ASH1L: variants seen among roughly 807,000 people sequenced by gnomAD.
ASH1L encodes the protein histone-lysine N-methyltransferase ASH1L.
ASH1L carries 23 observed loss-of-function variants against 269.0 expected under a neutral mutation model. The ratio of observed to expected loss-of-function variants is 0.09; its 90% CI spans 0.06 to 0.12. ASH1L has a LOEUF of 0.12. Ranked by LOEUF, ASH1L falls within the 10% of genes least tolerant of loss-of-function variation. The pLI is 1.00. For missense variants in ASH1L, 2,912 were observed against 3,567.8 expected (o/e 0.82, Z 4.68); for synonymous variants, 1,187 against 1,253.5 (o/e 0.95, Z 1.12).
At chr1:155,421,788 T>C (rs1334422244) in intron 5 of ASH1L, among the ~76,000 whole-genome samples, 2 of 152,098 alleles carry the variant, frequency 1.3e-5, no homozygotes, top group East Asian at 1.9e-4. Context: ...AACAACGTAA[T>C]AGAGTGTAGA....
At position 155,481,533 on chromosome 1, in the gene ASH1L, T is replaced by G; in HGVS notation, c.1337A>C (p.Asn446Thr). 6.2e-7 allele frequency: 1 copy of G among 1,614,190 alleles called. No homozygotes were observed. The highest frequency in any genetic ancestry group is 8.5e-7 in the Non-Finnish European group (1 of 1,180,020). ...LKASCSTNIN[N>T]QESQELSESL... ...TTCAGAAAGTTCCTGACTTTCCTGA[T>G]TATTGATGTTTGTACTACAAGAAGC... The change falls in exon 3 of 28, where the codon AAT becomes ACT. Residue 446 changes from asparagine (N) to threonine (T), a missense_variant. This residue lies in a region of ASH1L where 715 missense variants were observed against 721.0 expected (regional missense o/e 0.99). Transcript: ENST00000392403.
At chr1:155,416,290 T>C (rs1172559916) in intron 5 of ASH1L, among the ~76,000 whole-genome samples, 2 of 151,274 alleles carry the variant, frequency 1.3e-5, no homozygotes, top group African/African-American at 4.9e-5. Context: ...GCCACCAGTT[T>C]TGTATTTTTA....
At chr1:155,340,334 C>T (rs192439166) in intron 25 of ASH1L, among the ~76,000 whole-genome samples, 1 of 152,176 alleles carries the variant, frequency 6.6e-6, no homozygotes, top group East Asian at 1.9e-4. Flanking sequence ...AGGTGCATGC[C>T]ACCATGCCCG....
chr1:155,402,296 G>C (rs1385954077), intron 6 of ASH1L, among the ~76,000 whole-genome samples: 7 of 152,070 alleles, frequency 4.6e-5, no homozygotes, highest in African/African-American at 1.7e-4. Context: ...TTGAAGAAGG[G>C]GGAGGCATCA....
chr1:155,338,620 C>T (rs1553240907), intron 26 of ASH1L, among the ~76,000 whole-genome samples: 1 of 152,144 alleles, frequency 6.6e-6, no homozygotes, highest in East Asian at 1.9e-4. Flanking sequence ...GGAATATTCA[C>T]AAATGGTATA....
chr1:155,342,213 A>C, intron 24 of ASH1L, 111 bp from the exon 25 acceptor site: 1 of 953,262 alleles, frequency 1.0e-6, no homozygotes, highest in Non-Finnish European at 1.6e-6. Flanking sequence ...AAAACCCTAC[A>C]TGGTAGCTAT....
intron 5 of ASH1L, chr1:155,433,113 G>A: frequency 2.9e-6 from 4 of 1,376,144 alleles, no homozygotes; most frequent in Non-Finnish European, 3.9e-6. Context: ...AAAATAGACT[G>A]ATAGAAAGGA....
intron 15 of ASH1L, among the ~76,000 whole-genome samples, chr1:155,356,265 C>T (rs1240323757): frequency 1.3e-5 from 2 of 152,152 alleles, no homozygotes; most frequent in Non-Finnish European, 2.9e-5. Context: ...TTTTTCTCTA[C>T]TGCGGACTCC....
intron 4 of ASH1L, among the ~76,000 whole-genome samples, chr1:155,452,624 T>C (rs1343923509): frequency 6.6e-6 from 1 of 151,330 alleles, no homozygotes; most frequent in Non-Finnish European, 1.5e-5. Context: ...TGGTGTAATC[T>C]TGGGTTTACA....
At position 155,562,690 on chromosome 1, in the gene ASH1L, C is replaced by A; in HGVS notation, c.-637G>T. 1 of 1,511,360 alleles carries A rather than the reference C, an allele frequency of 6.6e-7. No homozygotes were observed. Among genetic ancestry groups the A allele is most frequent in the East Asian group, 2.5e-5 (1 of 40,476 alleles). 93.6% of individuals were successfully genotyped at this position (1,511,360 alleles called of 1,614,324 possible). Reference sequence around the variant, plus strand: ...CGCCCCGCGCGCCAGCCAGCCCGTACGCGCTCACCCACAGGAACCCCCTCG... The same window carrying A: ...CGCCCCGCGCGCCAGCCAGCCCGTAAGCGCTCACCCACAGGAACCCCCTCG... On this transcript the variant is annotated 5_prime_UTR_variant, in exon 1 of 28. Coordinates refer to ENST00000392403, the MANE Select transcript of ASH1L (RefSeq NM_018489.3).
chr1:155,543,203 C>A (rs1670557906), intron 1 of ASH1L, among the ~76,000 whole-genome samples: 1 of 151,750 alleles, frequency 6.6e-6, no homozygotes, highest in Non-Finnish European at 1.5e-5. Context: ...AAAATGAAAA[C>A]CCTTTTCAAT....
chr1:155,374,811 A>C (rs1314626222), intron 10 of ASH1L, among the ~76,000 whole-genome samples: 1 of 151,804 alleles, frequency 6.6e-6, no homozygotes, highest in Admixed American at 6.6e-5. Flanking sequence ...TTCCACACCT[A>C]TATTTTCTTC....
intron 5 of ASH1L, among the ~76,000 whole-genome samples, chr1:155,430,185 A>G (rs949922456): frequency 1.3e-5 from 2 of 152,024 alleles, no homozygotes; most frequent in Non-Finnish European, 2.9e-5. Context: ...TATGTTGCCC[A>G]GGGTGGTCTT....
chr1:155,472,747 G>T (rs1049364739), intron 3 of ASH1L, among the ~76,000 whole-genome samples: 1 of 152,198 alleles, frequency 6.6e-6, no homozygotes, highest in African/African-American at 2.4e-5. Context: ...CAGATGTTCT[G>T]ATTTTTCTGA....
rs543908065 is a variant in ASH1L, at chr1:155,337,769, G to A, written c.8804-18C>T. On this transcript the variant is annotated intron_variant, in intron 27 of 27. Transcript: ENST00000392403. ...ATCAATGGCTGAAAACAGAACCAAG[G>A]AGGCTCATCAAAATACCAATCTCCT... 1.3e-4 allele frequency: 205 copies of A among 1,609,550 alleles called. 5 individuals carry two copies. The South Asian group carries it at 2.1e-3, about 16-fold the overall frequency.
In ASH1L at chr1:155,518,002, G is replaced by A. The variant is rs527802462; in HGVS notation, c.420+3098C>T. ...TTTTTAGTAGAGACAGGGTTTCACC[G>A]TTTTAGCCGGGATGGTCTCGATCTC... On this transcript the variant is annotated intron_variant, in intron 2 of 27. Transcript: ENST00000392403. Among the ~76,000 whole-genome samples, 29 of 151,424 alleles carry A rather than the reference G, an allele frequency of 1.9e-4. 1 individual carries two copies. The highest frequency in any genetic ancestry group is 3.4e-3 in the Middle Eastern group (1 of 294).
At chr1:155,489,544 G>A (rs940429191) in intron 2 of ASH1L, among the ~76,000 whole-genome samples, 4 of 151,840 alleles carry the variant, frequency 2.6e-5, no homozygotes, top group African/African-American at 9.7e-5. Context: ...GCCAAGGCAG[G>A]TGGATCACGA....
intron 13 of ASH1L, 52 bp downstream of exon 13, chr1:155,360,248 AC>A: frequency 8.4e-7 from 1 of 1,194,370 alleles, no homozygotes. Context: ...TCATGTTATT[AC>A]AGCATTGTAA....
At chr1:155,447,830 T>C (rs895513371) in intron 4 of ASH1L, among the ~76,000 whole-genome samples, 1 of 152,220 alleles carries the variant, frequency 6.6e-6, no homozygotes, top group Non-Finnish European at 1.5e-5. Flanking sequence ...ACTTTATTGA[T>C]TGTATACTTT....
Sources: allele counts gnomAD v4.1 joint callset (sites outside exome capture counted in the v4.1 genomes callset), GRCh38; gene constraint gnomAD v4.1.1; regional missense constraint gnomAD v4.1.1; transcripts MANE v1.5; gene names NCBI Gene and HGNC (gene_info 2026-07-23, HGNC 2026-07-21).